Variants in ACCSL observed in about 807,000 individuals in gnomAD.
The protein encoded by ACCSL is probable inactive 1-aminocyclopropane-1-carboxylate synthase-like protein 2.
Under a neutral mutation model 61.7 loss-of-function variants are expected in ACCSL, and 55 were observed. The observed-to-expected ratio is 0.89, with a 90% CI of 0.72 to 1.12. The LOEUF (loss-of-function observed/expected upper bound fraction) is 1.12. Among genes scored for constraint, ACCSL ranks in the 50% most tolerant of loss-of-function variants. ACCSL has a pLI of 0.00. For missense variants in ACCSL, 632 were observed against 698.0 expected, an observed-to-expected ratio of 0.91 and a Z score of 1.07; for synonymous variants, 258 against 264.3, an observed-to-expected ratio of 0.98 and a Z score of 0.23.
At chr11:43,952,488 C>T in the ACCSL span, among the ~76,000 whole-genome samples, 2 of 152,168 alleles carry the variant, frequency 1.3e-5, no homozygotes, top group Non-Finnish European at 2.9e-5. Context: ...AAATATCGTC[C>T]CCTGACCTAA....
chr11:44,004,020 C>T, the ACCSL span, among the ~76,000 whole-genome samples: 1 of 152,176 alleles, frequency 6.6e-6, no homozygotes, highest in Non-Finnish European at 1.5e-5. Context: ...AGCCAGACCC[C>T]TATCCTGGGG....
the ACCSL span, among the ~76,000 whole-genome samples, chr11:43,973,518 A>C: frequency 6.6e-6 from 1 of 152,198 alleles, no homozygotes; most frequent in Non-Finnish European, 1.5e-5. Context: ...CATACTGCTT[A>C]ATCAAATACC....
chr11:44,044,989 CCAGA>C (rs1376730764), upstream of ACCSL, among the ~76,000 whole-genome samples: 1 of 152,170 alleles, frequency 6.6e-6, no homozygotes. Flanking sequence ...ACCCCCGGTA[CCAGA>C]CAACTTAGGG....
At chr11:44,055,970 CCT>C (rs1360596585) in intron 9 of ACCSL, 68 bp from the exon 10 acceptor site, 2 of 1,580,434 alleles carry the variant, frequency 1.3e-6, no homozygotes, top group Non-Finnish European at 1.7e-6. Flanking sequence ...TCTACTTTCC[CCT>C]CTTATACCCC....
chr11:43,993,056 T>G, the ACCSL span, among the ~76,000 whole-genome samples: 2 of 146,708 alleles, frequency 1.4e-5, no homozygotes. Flanking sequence ...TGCTTCTGTT[T>G]GTGTGCTAGA....
intron 1 of ACCSL, among the ~76,000 whole-genome samples, chr11:44,049,675 G>A (rs1952623639): frequency 6.6e-6 from 1 of 152,148 alleles, no homozygotes; most frequent in South Asian, 2.1e-4. Flanking sequence ...CAGGCGTCAG[G>A]TAGGTAGAGT....
chr11:44,039,171 G>A, the ACCSL span, among the ~76,000 whole-genome samples: 1 of 152,172 alleles, frequency 6.6e-6, no homozygotes. Context: ...CAGGATGGGG[G>A]ATATGTGAGG....
At chr11:44,052,606 A>G in intron 5 of ACCSL, 56 bp from the exon 6 acceptor site, 1 of 1,481,302 alleles carries the variant, frequency 6.8e-7, no homozygotes, top group Non-Finnish European at 9.4e-7. Flanking sequence ...GGAGCCTGGC[A>G]ACAGGCTCTG....
chr11:44,008,087 C>A, the ACCSL span, among the ~76,000 whole-genome samples: 1 of 152,148 alleles, frequency 6.6e-6, no homozygotes, highest in Non-Finnish European at 1.5e-5. Context: ...GCTTCTGTGT[C>A]ATTGTCCCCA....
the ACCSL span, among the ~76,000 whole-genome samples, chr11:43,968,909 T>C: frequency 6.6e-6 from 1 of 152,146 alleles, no homozygotes; most frequent in Non-Finnish European, 1.5e-5. Context: ...GAAACAGAGC[T>C]TGGGCTCACA....
At chr11:44,048,862 G>A (rs1031005669) in intron 1 of ACCSL, among the ~76,000 whole-genome samples, 9 of 152,238 alleles carry the variant, frequency 5.9e-5, no homozygotes, top group Admixed American at 5.2e-4. Context: ...TCAGCCACTG[G>A]GGCACAGGCA....
the ACCSL span, among the ~76,000 whole-genome samples, chr11:44,018,332 G>A: frequency 6.6e-6 from 1 of 152,176 alleles, no homozygotes; most frequent in Non-Finnish European, 1.5e-5. Context: ...CTCGACCTCT[G>A]CCTGCTCTCA....
the ACCSL span, among the ~76,000 whole-genome samples, chr11:43,949,537 G>A: frequency 2.6e-5 from 4 of 152,124 alleles, no homozygotes; most frequent in African/African-American, 4.8e-5. Flanking sequence ...CTTACTGGCC[G>A]GGCATGGTGG....
At chr11:43,925,896 C>G in the ACCSL span, among the ~76,000 whole-genome samples, 8 of 152,128 alleles carry the variant, frequency 5.3e-5, no homozygotes, top group Non-Finnish European at 8.8e-5. Flanking sequence ...TGACAGTAAC[C>G]CACTTAGTAA....
the ACCSL span, chr11:43,943,415 C>T: frequency 3.1e-4 from 440 of 1,439,756 alleles, 2 homozygotes; most frequent in South Asian, 2.9e-4. The surrounding 1 kb of genome is among the most constrained non-coding windows in gnomAD (Gnocchi z 4.8). Context: ...GGACTCCCGC[C>T]CCGCTGCGAA....
chr11:43,985,938 G>A, the ACCSL span, among the ~76,000 whole-genome samples: 1 of 151,942 alleles, frequency 6.6e-6, no homozygotes, highest in South Asian at 2.1e-4. Context: ...ACTCCAGCCT[G>A]GGCGACAGCG....
At chr11:43,982,086 C>T in the ACCSL span, among the ~76,000 whole-genome samples, 1 of 152,124 alleles carries the variant, frequency 6.6e-6, no homozygotes, top group South Asian at 2.1e-4. Context: ...GGTGACAGAG[C>T]CCAAGCCTCA....
At chr11:44,046,263 G>C (rs937583908), upstream of ACCSL, among the ~76,000 whole-genome samples, 6 of 152,194 alleles carry the variant, frequency 3.9e-5, no homozygotes, top group African/African-American at 7.2e-5. Context: ...ACTGAATAAA[G>C]TTTTTGCATT....
the ACCSL span, among the ~76,000 whole-genome samples, chr11:44,015,201 A>G: frequency 6.6e-6 from 1 of 152,226 alleles, no homozygotes; most frequent in Non-Finnish European, 1.5e-5. Context: ...GGCATGATTC[A>G]TGCATTATAT....
Sources: gnomAD v4.1 joint callset for allele counts (sites outside exome capture counted in the v4.1 genomes callset) on GRCh38, gnomAD v4.1.1 for gene constraint, Gnocchi (gnomAD v3.1) non-coding constraint, MANE v1.5 for transcripts, NCBI Gene and HGNC (gene_info 2026-07-23, HGNC 2026-07-21) for gene names.